DNAAF9: variants seen among roughly 807,000 people sequenced by gnomAD.
DNAAF9 encodes dynein axonemal assembly factor 9.
DNAAF9 carries 90 observed loss-of-function variants against 167.0 expected under a neutral mutation model. The observed-to-expected ratio is 0.54, with a 90% CI of 0.45 to 0.64. DNAAF9 has a LOEUF of 0.64. DNAAF9 is among the 30% of genes least tolerant of loss of function. DNAAF9 has a pLI of 0.00. For missense variants in DNAAF9, 1,315 were observed against 1,442.2 expected (o/e 0.91, Z 1.43); for synonymous variants, 491 against 508.8 (o/e 0.96, Z 0.47).
intron 28 of DNAAF9, among the ~76,000 whole-genome samples, chr20:3,281,318 C>T (rs533317034): frequency 6.6e-5 from 10 of 152,236 alleles, no homozygotes; most frequent in Admixed American, 5.2e-4. Flanking sequence ...CATGAGCCAC[C>T]GCACCTGGCC....
intron 30 of DNAAF9, 88 bp downstream of exon 30, chr20:3,270,339 T>C (rs1001236669): frequency 7.8e-7 from 1 of 1,279,014 alleles, no homozygotes; most frequent in Non-Finnish European, 1.1e-6. Context: ...GTTTAGGTCT[T>C]AGATACAGTA....
chr20:3,337,268 G>GT (rs112275744), intron 10 of DNAAF9, among the ~76,000 whole-genome samples: 6,537 of 131,358 alleles, frequency 0.05, 212 homozygotes, highest in African/African-American at 0.098. Context: ...CACTGAAGTT[G>GT]TTTTTTTTTT....
rs1321881340 is a variant in DNAAF9 at position 3,252,351 on chromosome 20, T to C, written c.*221A>G. On this transcript the variant is annotated 3_prime_UTR_variant, in exon 37 of 37. Transcript: ENST00000252032. ...TAGACGGGCAGGCCCCATCTGCTCA[T>C]CCTTGAGTATTCCCCCGACCCCCAA... 6.5e-6 allele frequency: 3 copies of C among 463,668 alleles called. No individual in the cohort carries two copies. The highest frequency in any genetic ancestry group is 1.2e-5 in the Non-Finnish European group (3 of 254,750). The allele number at this position is 463,668 out of a possible 1,614,324, so 28.7% of individuals were successfully genotyped here. A position where few individuals can be genotyped will look rare whatever the true frequency, so the allele number is the denominator to read the frequency against.
intron 12 of DNAAF9, among the ~76,000 whole-genome samples, chr20:3,329,798 A>G (rs1285971792): frequency 6.6e-6 from 1 of 152,220 alleles, no homozygotes; most frequent in Non-Finnish European, 1.5e-5. Flanking sequence ...CTGAAGGACA[A>G]TGCTTTCTGG....
intron 27 of DNAAF9, among the ~76,000 whole-genome samples, chr20:3,282,203 C>T (rs1407699181): frequency 6.6e-6 from 1 of 152,312 alleles, no homozygotes; most frequent in African/African-American, 2.4e-5. Context: ...GGTCAGCAGA[C>T]TCATCCATGT....
At chr20:3,273,732 T>C (rs571717413) in intron 29 of DNAAF9, among the ~76,000 whole-genome samples, 1 of 152,294 alleles carries the variant, frequency 6.6e-6, no homozygotes, top group South Asian at 2.1e-4. Flanking sequence ...AACATGAGAT[T>C]TGGAGGGGAC....
chr20:3,332,311 G>A lies in DNAAF9; in HGVS notation c.1032C>T (p.Tyr344=), dbSNP rs1169270580. The A allele has an allele frequency of 1.2e-6, 2 of 1,605,724 alleles. No individual in the cohort carries two copies. The highest frequency in any genetic ancestry group is 3.3e-5 in the Admixed American group (2 of 59,970). ...AAGGAACATGAGTAGCTCCAAAAAAGTATGTTCTCGAACAAGCAAGAGGTC... is the reference window on the plus strand; with the variant it reads ...AAGGAACATGAGTAGCTCCAAAAAAATATGTTCTCGAACAAGCAAGAGGTC... ...PKGPLACSRT[Y]FFGATHVPYL... is the part of the protein sequence containing the mutation. Residue 344 remains tyrosine, a synonymous_variant, in exon 11 of 37, where the codon TAC becomes TAT. Coordinates refer to ENST00000252032, the MANE Select transcript of DNAAF9 (RefSeq NM_001009984.3).
intron 10 of DNAAF9, among the ~76,000 whole-genome samples, chr20:3,336,262 T>TTG (rs200345192): frequency 0.044 from 6,423 of 147,626 alleles, 270 homozygotes; most frequent in African/African-American, 0.092. Context: ...GTTTTTGTTT[T>TTG]TTTTTTTTTT....
chr20:3,360,575 C>T (rs192987084), intron 6 of DNAAF9, among the ~76,000 whole-genome samples: 3 of 152,212 alleles, frequency 2.0e-5, no homozygotes, highest in East Asian at 1.9e-4. Context: ...AGTGGAAAGA[C>T]GCAGCAATTT....
Position 3,315,629 on chromosome 20 carries a change from C to T in DNAAF9, c.1590+106G>A, listed in dbSNP as rs927786262. 3.6e-5 allele frequency: 32 copies of T among 889,944 alleles called. No individual in the cohort carries two copies. The highest frequency in any genetic ancestry group is 6.1e-5 in the Non-Finnish European group (32 of 528,824). The allele number at this position is 889,944 out of a possible 1,614,324, so 55.1% of individuals were successfully genotyped here. A position where few individuals can be genotyped will look rare whatever the true frequency, so the allele number is the denominator to read the frequency against. On this transcript the variant is annotated intron_variant, in intron 19 of 36. Transcript: ENST00000252032. This position sits in a 1 kb window ranked among gnomAD's most constrained non-coding sequence, Gnocchi z 4.1. ...AATAGGAAGTGAAGACAACATAGTG[C>T]AAGTCTTTTAGATTAGTAGTGAGAT...
chr20:3,326,568 C>T (rs2069714601), intron 12 of DNAAF9, among the ~76,000 whole-genome samples: 1 of 151,536 alleles, frequency 6.6e-6, no homozygotes, highest in African/African-American at 2.4e-5. Context: ...CCCATCTCGA[C>T]AAAAAATAAA....
At chr20:3,341,600 T>C (rs909477385) in intron 9 of DNAAF9, among the ~76,000 whole-genome samples, 5 of 152,108 alleles carry the variant, frequency 3.3e-5, no homozygotes, top group Non-Finnish European at 7.4e-5. Flanking sequence ...CGCCTTCAAA[T>C]CTAATTAACC....
chr20:3,383,340 C>T (rs1322518544), intron 1 of DNAAF9, among the ~76,000 whole-genome samples: 1 of 143,588 alleles, frequency 7.0e-6, no homozygotes, highest in African/African-American at 2.6e-5. Context: ...GTGATCTTGG[C>T]TCACTGCAAC....
intron 10 of DNAAF9, among the ~76,000 whole-genome samples, chr20:3,338,781 T>C (rs984766821): frequency 6.6e-6 from 1 of 151,868 alleles, no homozygotes; most frequent in African/African-American, 2.4e-5. Flanking sequence ...GCCTCCCTAG[T>C]AGCTGGGATA....
At chr20:3,347,254 T>A (rs1455782779) in intron 8 of DNAAF9, among the ~76,000 whole-genome samples, 1 of 152,056 alleles carries the variant, frequency 6.6e-6, no homozygotes, top group Non-Finnish European at 1.5e-5. Context: ...CTTTCAAGTA[T>A]CAAAAGGTAA....
At chr20:3,296,698 C>T (rs935624923) in intron 23 of DNAAF9, 163 bp downstream of exon 23, 4 of 640,988 alleles carry the variant, frequency 6.2e-6, no homozygotes, top group African/African-American at 1.8e-5. Context: ...GCCTTCTATT[C>T]CCCCAAGGGC....
chr20:3,376,871 T>C (rs981683119), intron 3 of DNAAF9, among the ~76,000 whole-genome samples: 11 of 152,186 alleles, frequency 7.2e-5, no homozygotes, highest in Non-Finnish European at 1.6e-4. Context: ...GAGACCAGCC[T>C]GACCAACATG....
At chr20:3,308,395 T>G (rs1033601778) in intron 20 of DNAAF9, among the ~76,000 whole-genome samples, 5 of 145,958 alleles carry the variant, frequency 3.4e-5, no homozygotes, top group African/African-American at 1.3e-4. Context: ...TTGGCTGGAG[T>G]GCAGTGGTGC....
At chr20:3,255,159 C>A in intron 35 of DNAAF9, 60 bp downstream of exon 35, 1 of 1,030,350 alleles carries the variant, frequency 9.7e-7, no homozygotes, top group Non-Finnish European at 1.5e-6. Flanking sequence ...AAATACAGAG[C>A]TAGGCAAGCC....
Sources: gnomAD v4.1 joint callset for allele counts (sites outside exome capture counted in the v4.1 genomes callset) on GRCh38, gnomAD v4.1.1 for gene constraint, Gnocchi (gnomAD v3.1) non-coding constraint, MANE v1.5 for transcripts, NCBI Gene and HGNC (gene_info 2026-07-23, HGNC 2026-07-21) for gene names.